The following OMD variants were observed in gnomAD, a reference collection of about 807,000 sequenced individuals.
OMD encodes KSPG osteomodulin.
Under a neutral mutation model 31.2 loss-of-function variants are expected in OMD, and 19 were observed. That is an observed-to-expected ratio of 0.61 (90% confidence interval 0.42 to 0.89). OMD has a LOEUF of 0.89. Among genes scored for constraint, OMD ranks in the 40% least tolerant of loss-of-function variants. The pLI is 0.00. For missense variants in OMD, 448 were observed against 490.8 expected (o/e 0.91, Z 0.82); for synonymous variants, 155 against 166.4 (o/e 0.93, Z 0.53).
chr9:92,415,141 A>G lies in OMD; in HGVS notation c.*11T>C, dbSNP rs1348302504. 5 of 1,591,820 alleles carry G rather than the reference A, an allele frequency of 3.1e-6. No homozygotes were observed. Among genetic ancestry groups the G allele is most frequent in the African/African-American group, 1.4e-5 (1 of 73,770 alleles). On this transcript the variant is annotated 3_prime_UTR_variant, in exon 3 of 3. Coordinates refer to ENST00000375550, the MANE Select transcript of OMD (RefSeq NM_005014.3). The stretch of plus-strand genomic sequence containing the variant: ...TGTGAAGTCGTAAGTGTATACCTAT[A>G]TAGTTTCTTGCTATTCTTGATTTTC...
intron 2 of OMD, among the ~76,000 whole-genome samples, chr9:92,416,134 C>T (rs1468597529): frequency 2.8e-5 from 4 of 141,936 alleles, no homozygotes; most frequent in Non-Finnish European, 4.5e-5. Flanking sequence ...GAGTTTTGCT[C>T]TGTCATCCAG....
chr9:92,419,354 G>T (rs1462298909), intron 1 of OMD, among the ~76,000 whole-genome samples: 1 of 145,112 alleles, frequency 6.9e-6, no homozygotes, highest in African/African-American at 2.6e-5. Context: ...AGACTGGAGT[G>T]CAGTGGTGCG....
intron 1 of OMD, 83 bp downstream of exon 1, chr9:92,424,119 A>C (rs567960352): frequency 6.6e-6 from 1 of 152,316 alleles, no homozygotes; most frequent in African/African-American, 2.4e-5. Context: ...AGTCTATTTT[A>C]ATATTAAAAA....
rs752142381 is a variant in OMD, at chr9:92,416,998, G to C, written c.561C>G (p.Asn187Lys). 1.9e-5 allele frequency: 30 copies of C among 1,613,914 alleles called. No homozygotes were observed. The South Asian group carries it at 3.1e-4, about 17-fold the overall frequency. Residue 187 changes from asparagine to lysine, a missense_variant, in exon 2 of 3, where the codon AAC becomes AAG. By Grantham distance (94) the Asn-to-Lys change is moderately conservative. Transcript: ENST00000375550. ...TATAACAGAGATCAAGCATGGTCAA[G>C]TTTACTAGCCCATCCATAGCATTTG... Reference protein sequence around the residue: ...LQTNAMDGLVNLTMLDLCYNY... With the variant: ...LQTNAMDGLVKLTMLDLCYNY...
Position 92,415,338 on chromosome 9 carries a change from AAT to A in OMD, c.1078_1079del (p.Ile360LeufsTer4), listed in dbSNP as rs537877089. On this transcript the variant is annotated frameshift_variant, in exon 3 of 3. Coordinates refer to ENST00000375550, the MANE Select transcript of OMD (RefSeq NM_005014.3). LOFTEE classifies it high-confidence loss of function. ...IFFCFPHIHT[I>X]YYGEQRSTNG... The stretch of plus-strand genomic sequence containing the variant: ...TAGTGCTTCGTTGTTCACCATAATA[AAT>A]AGTGTGTATATGAGGGAAGCAGAAG... 19 of 1,613,674 alleles carry A rather than the reference AAT, an allele frequency of 1.2e-5. No individual in the cohort carries two copies. In the East Asian group the frequency reaches 4.0e-4, roughly 34 times the overall value.
chr9:92,420,030 C>G (rs2130966460), intron 1 of OMD, among the ~76,000 whole-genome samples: 1 of 152,248 alleles, frequency 6.6e-6, no homozygotes, highest in East Asian at 1.9e-4. Context: ...AGTAGTTATT[C>G]AGGTAGAGTC....
chr9:92,420,887 G>A (rs1843771739), intron 1 of OMD, among the ~76,000 whole-genome samples: 1 of 152,120 alleles, frequency 6.6e-6, no homozygotes, highest in Non-Finnish European at 1.5e-5. Context: ...CTTTGAAGGA[G>A]TGTTGAGGTT....
At chr9:92,416,585 TTCTC>T (rs773298183) in intron 2 of OMD, 30 bp downstream of exon 2, 5 of 1,277,770 alleles carry the variant, frequency 3.9e-6, no homozygotes, top group Admixed American at 4.8e-5. Flanking sequence ...ATTCCATTCT[TTCTC>T]TCTTCAAAAC....
In OMD at chr9:92,417,437, G is replaced by T. The variant is rs376070963; in HGVS notation, c.122C>A (p.Thr41Lys). The T allele has an allele frequency of 6.2e-7, 1 of 1,613,992 alleles. No homozygotes were observed. Residue 41 changes from threonine (T) to lysine (K), a missense_variant, in exon 2 of 3, where the codon ACA becomes AAA. By Grantham distance (78) the Thr-to-Lys change is moderately conservative. Transcript: ENST00000375550. ...TACATTTTGACGAAATGGGAATCCT[G>T]TTTGGTAATCATCATCTGGCTCTTG... is the stretch of plus-strand genomic sequence containing the variant. ...YDQEPDDDYQ[T>K]GFPFRQNVDY...
At position 92,416,615 on chromosome 9, in the gene OMD, A is replaced by G. The variant is rs1564309564; in HGVS notation, c.940+4T>C. On this transcript the variant is annotated splice_donor_region_variant and intron_variant, in intron 2 of 2. Transcript: ENST00000375550. ...TCTTCAAAACACAATAAAAGTCTAC[A>G]TACTTTCTATTTCATTATTTTGTAG... 2.7e-6 allele frequency: 4 copies of G among 1,486,202 alleles called. No homozygotes were observed. Among genetic ancestry groups the G allele is most frequent in the Non-Finnish European group, 1.8e-6 (2 of 1,095,474 alleles). The allele number at this position is 1,486,202 out of a possible 1,614,324, so 92.1% of individuals were successfully genotyped here.
chr9:92,419,364 G>A (rs1200716030), intron 1 of OMD, among the ~76,000 whole-genome samples: 2 of 146,868 alleles, frequency 1.4e-5, no homozygotes, highest in African/African-American at 2.6e-5. Context: ...GCAGTGGTGC[G>A]ATCTCGGCTC....
At chr9:92,421,890 G>A (rs1177889328) in intron 1 of OMD, among the ~76,000 whole-genome samples, 1 of 152,142 alleles carries the variant, frequency 6.6e-6, no homozygotes, top group East Asian at 1.9e-4. Flanking sequence ...GCTTACCTCA[G>A]CCTTACGGAG....
chr9:92,416,814 G>T lies in OMD; in HGVS notation c.745C>A (p.Pro249Thr), dbSNP rs574387948. Residue 249 changes from proline (P) to threonine (T), a missense_variant, in exon 2 of 3, where the codon CCC becomes ACC. Coordinates refer to ENST00000375550, the MANE Select transcript of OMD (RefSeq NM_005014.3). ...SLENNSISSI[P>T]EKYFDKLPKL... ...GGAAGTTTGTCGAAGTATTTTTCGGGTATAGAAGAAATTGAATTATTTTCT... is the reference window on the plus strand; with the variant it reads ...GGAAGTTTGTCGAAGTATTTTTCGGTTATAGAAGAAATTGAATTATTTTCT... 3 of 1,613,810 alleles carry T rather than the reference G, an allele frequency of 1.9e-6. No homozygotes were observed. Among genetic ancestry groups the T allele is most frequent in the South Asian group, 1.1e-5 (1 of 91,074 alleles).
rs890692318 is a variant in OMD at position 92,420,029 on chromosome 9, T to G, written c.-16-2455A>C. ...TGTATTTGGAATTTGAAGTAGTTAT[T>G]CAGGTAGAGTCAGAGACCCTTGAGC... On this transcript the variant is annotated intron_variant, in intron 1 of 2. Transcript: ENST00000375550. 8.5e-5 allele frequency among the ~76,000 whole-genome samples: 13 copies of G among 152,334 alleles called. No homozygotes were observed. In the East Asian group the frequency reaches 2.3e-3, roughly 27 times the overall value.
chr9:92,415,697 T>C (rs1296495983), intron 2 of OMD, among the ~76,000 whole-genome samples: 2 of 150,102 alleles, frequency 1.3e-5, no homozygotes, highest in East Asian at 3.9e-4. Context: ...TTGGCTTTTC[T>C]GATTAATAAA....
At chr9:92,417,708 G>T in intron 1 of OMD, 134 bp from the exon 2 acceptor site, 1 of 560,868 alleles carries the variant, frequency 1.8e-6, no homozygotes, top group Non-Finnish European at 2.9e-6. Context: ...AGAATGGGCA[G>T]TGCTCAAACC....
chr9:92,422,175 T>A (rs777564238), intron 1 of OMD, among the ~76,000 whole-genome samples: 2 of 152,002 alleles, frequency 1.3e-5, no homozygotes, highest in African/African-American at 4.8e-5. Context: ...CTCAGCCTCC[T>A]GAGTAGCTGG....
rs995976651 is a variant in OMD, at chr9:92,415,389, T to G, written c.1029A>C (p.Lys343Asn). 6.2e-7 allele frequency: 1 copy of G among 1,613,474 alleles called. No individual in the cohort carries two copies. The highest frequency in any genetic ancestry group is 1.3e-5 in the African/African-American group (1 of 74,924). ...TYIRVDQNKL[K>N]EPISSYIFFC... ...AGAAGATGTATGAGCTTATTGGTTCTTTTAGTTTATTTTGGTCCACACGAA... is the reference window on the plus strand; with the variant it reads ...AGAAGATGTATGAGCTTATTGGTTCGTTTAGTTTATTTTGGTCCACACGAA... The change falls in exon 3 of 3, where the codon AAA (lysine) becomes AAC (asparagine). Residue 343 changes from lysine to asparagine, a missense_variant. Transcript: ENST00000375550.
At chr9:92,420,011 G>A (rs1843737059) in intron 1 of OMD, among the ~76,000 whole-genome samples, 2 of 152,064 alleles carry the variant, frequency 1.3e-5, no homozygotes, top group South Asian at 4.1e-4. Flanking sequence ...GTGTGTATTT[G>A]GAATTTGAAG....
Sources: allele counts gnomAD v4.1 joint callset (sites outside exome capture counted in the v4.1 genomes callset), GRCh38; gene constraint gnomAD v4.1.1; transcripts MANE v1.5; gene names NCBI Gene and HGNC (gene_info 2026-07-23, HGNC 2026-07-21).